JADE3: variants seen among roughly 807,000 people sequenced by gnomAD.
JADE3 encodes protein Jade-3.
A neutral mutation model predicts 50.1 loss-of-function variants in JADE3; 2 were observed. The observed-to-expected ratio is 0.04, with a 90% CI of 0.02 to 0.13. The LOEUF (loss-of-function observed/expected upper bound fraction) is 0.13, where lower values mean the gene tolerates loss of function less well. Ranked by LOEUF, JADE3 falls within the 10% of genes least tolerant of loss-of-function variation. The probability of loss-of-function intolerance (pLI) is 1.00; values close to 1 mark genes in which losing one functional copy is unlikely to be tolerated. For missense variants in JADE3, 475 were observed against 634.4 expected (o/e 0.75, Z 2.70); for synonymous variants, 218 against 232.9 (o/e 0.94, Z 0.58).
intron 5 of JADE3, among the ~76,000 whole-genome samples, chrX:47,027,542 A>G (rs1556365814): frequency 8.9e-6 from 1 of 111,978 alleles, no homozygotes; most frequent in East Asian, 2.8e-4. Context: ...CGTGTCCAGA[A>G]TTATAAAGCT....
chrX:47,040,803 G>A (rs915860495), intron 8 of JADE3, among the ~76,000 whole-genome samples: 3 of 110,922 alleles, frequency 2.7e-5, no homozygotes, highest in African/African-American at 9.8e-5. Context: ...CAGGCTTATC[G>A]TGTAGATTTC....
chrX:46,974,711 A>G, intron 1 of JADE3, among the ~76,000 whole-genome samples: 1 of 112,599 alleles, frequency 8.9e-6, no homozygotes, highest in Non-Finnish European at 1.9e-5. Context: ...TTCCCTAAGC[A>G]TGGCTGAAAG....
At chrX:46,972,918 AAG>A (rs1927532031) in intron 1 of JADE3, among the ~76,000 whole-genome samples, 1 of 112,042 alleles carries the variant, frequency 8.9e-6, no homozygotes, top group African/African-American at 3.2e-5. Context: ...TTTTATTCCG[AAG>A]AGAGTTGTGT....
At chrX:46,944,614 C>T (rs1374939118) in intron 1 of JADE3, among the ~76,000 whole-genome samples, 1 of 110,116 alleles carries the variant, frequency 9.1e-6, no homozygotes, top group African/African-American at 3.3e-5. Context: ...GGCCTTTTCT[C>T]ACTTCTTGAT....
intron 8 of JADE3, among the ~76,000 whole-genome samples, chrX:47,049,633 A>G (rs1556371489): frequency 9.6e-6 from 1 of 104,132 alleles, no homozygotes; most frequent in Non-Finnish European, 1.9e-5. Flanking sequence ...TTTTGTAGAG[A>G]CAGGGTTTCG....
chrX:47,056,269 A>G (rs1929631853), intron 10 of JADE3, 70 bp downstream of exon 10: 18 of 545,755 alleles, frequency 3.3e-5, no homozygotes, highest in Non-Finnish European at 4.3e-5. Flanking sequence ...AACAATTTAA[A>G]TTTCATGCCA....
intron 1 of JADE3, among the ~76,000 whole-genome samples, chrX:46,950,010 G>A (rs782490189): frequency 9.0e-5 from 10 of 111,681 alleles, no homozygotes; most frequent in African/African-American, 3.2e-4. Context: ...TGTAATAAAA[G>A]AAACAAACTA....
chrX:47,024,680 G>C (rs1556365131), intron 4 of JADE3, 44 bp from the exon 5 acceptor site: 1 of 903,596 alleles, frequency 1.1e-6, no homozygotes, highest in Non-Finnish European at 1.6e-6. Flanking sequence ...CCTGAAATCT[G>C]TCATTTGTTG....
At position 47,058,878 on chromosome X, in the gene JADE3, G is replaced by A. The variant is rs1451335483; in HGVS notation, c.2273G>A (p.Arg758Lys). ...GRQVLRRSAGRAPYQENDGYC... is the reference protein window; with the variant it reads ...GRQVLRRSAGKAPYQENDGYC... ...CAGGTTCTCAGGCGGTCTGCAGGGA[G>A]AGCTCCATATCAGGAAAATGATGGC... Residue 758 changes from arginine (R) to lysine (K), a missense_variant, in exon 11 of 11, where the codon AGA (arginine) becomes AAA (lysine). By Grantham distance (26) the Arg-to-Lys change is conservative. Coordinates refer to ENST00000614628, the MANE Select transcript of JADE3 (RefSeq NM_014735.5). 3 of 1,209,636 alleles carry A rather than the reference G, an allele frequency of 2.5e-6. No homozygotes were observed. The highest frequency in any genetic ancestry group is 3.4e-6 in the Non-Finnish European group (3 of 894,991).
chrX:47,058,479 C>G lies in JADE3; in HGVS notation c.1874C>G (p.Thr625Ser). The change falls in exon 11 of 11, where the codon ACC becomes AGC. Residue 625 changes from threonine to serine, a missense_variant. Thr to Ser is a moderately conservative substitution (Grantham distance 58, BLOSUM62 1). Around this residue, in one of 6 missense-constraint regions of JADE3, gnomAD observed 243 missense variants for 238.2 expected, o/e 1.02. Transcript: ENST00000614628. ...AAGGAGTCCAGTCCTGCTTGGAGAA[C>G]CCCGTCCTCGGAGTGCTATCATGGG... ...EAKESSPAWR[T>S]PSSECYHGQS... 1 of 1,211,328 alleles carries G rather than the reference C, an allele frequency of 8.3e-7. No homozygotes were observed. Among genetic ancestry groups the G allele is most frequent in the South Asian group, 1.8e-5 (1 of 56,949 alleles).
intron 1 of JADE3, among the ~76,000 whole-genome samples, chrX:46,974,934 A>G (rs782562613): frequency 2.7e-5 from 3 of 112,223 alleles, no homozygotes; most frequent in Non-Finnish European, 5.6e-5. Context: ...GTAGGGGACT[A>G]TTTCTGTGCC....
At chrX:46,990,355 A>C (rs946776203) in intron 3 of JADE3, among the ~76,000 whole-genome samples, 3 of 111,145 alleles carry the variant, frequency 2.7e-5, no homozygotes, top group Non-Finnish European at 5.7e-5. Flanking sequence ...AGGGGTCCTG[A>C]CTCTCTACTA....
At chrX:46,959,816 G>A (rs1341144277) in intron 1 of JADE3, among the ~76,000 whole-genome samples, 2 of 109,859 alleles carry the variant, frequency 1.8e-5, no homozygotes, top group African/African-American at 6.6e-5. Context: ...AGTATCACAG[G>A]TAGGACTGGA....
intron 1 of JADE3, among the ~76,000 whole-genome samples, chrX:46,922,318 T>C (rs1444352245): frequency 1.8e-5 from 2 of 111,947 alleles, no homozygotes; most frequent in African/African-American, 6.5e-5. Flanking sequence ...ATATGCCTAA[T>C]TGTGGCTTTT....
At position 46,913,600 on chromosome X, in the gene JADE3, T is replaced by C. The variant is rs782530238; in HGVS notation, c.-12+881T>C. ...TGTTTTTTGTTTGTTTGTTGTTTTT[T>C]TTAATAGCCTTCAATCTTTTTCTCC... On this transcript the variant is annotated intron_variant, in intron 1 of 10. Transcript: ENST00000614628. 8.8e-4 allele frequency among the ~76,000 whole-genome samples: 98 copies of C among 111,403 alleles called. 1 individual carries two copies. Among genetic ancestry groups the C allele is most frequent in the South Asian group, 1.9e-3 (5 of 2,655 alleles).
intron 1 of JADE3, among the ~76,000 whole-genome samples, chrX:46,979,024 A>G (rs1556352237): frequency 8.9e-6 from 1 of 112,295 alleles, no homozygotes; most frequent in African/African-American, 3.2e-5. Context: ...AAATCACTGG[A>G]CTTTAAACAG....
At chrX:46,920,222 C>A (rs782546722) in intron 1 of JADE3, among the ~76,000 whole-genome samples, 28 of 111,772 alleles carry the variant, frequency 2.5e-4, no homozygotes, top group Non-Finnish European at 7.5e-5. Flanking sequence ...TATTCCTGTT[C>A]AAAAAAAATC....
At chrX:47,018,338 T>C (rs1928718870) in intron 4 of JADE3, among the ~76,000 whole-genome samples, 2 of 110,123 alleles carry the variant, frequency 1.8e-5, no homozygotes, top group South Asian at 7.8e-4. Context: ...CAGAGCACTT[T>C]CTTTTTTTTT....
At chrX:47,043,831 AAAAG>A (rs1484170848) in intron 8 of JADE3, among the ~76,000 whole-genome samples, 4 of 109,723 alleles carry the variant, frequency 3.6e-5, no homozygotes, top group Admixed American at 9.8e-5. Flanking sequence ...AAAAAAAAAA[AAAAG>A]AAAGAAATAA....
Sources: allele counts gnomAD v4.1 joint callset (sites outside exome capture counted in the v4.1 genomes callset), GRCh38; gene constraint gnomAD v4.1.1; regional missense constraint gnomAD v4.1.1; transcripts MANE v1.5; gene names NCBI Gene and HGNC (gene_info 2026-07-23, HGNC 2026-07-21).